VEPH1: variants seen among roughly 807,000 people sequenced by gnomAD.
VEPH1 encodes ventricular zone-expressed PH domain-containing protein homolog 1.
Under a neutral mutation model 85.2 loss-of-function variants are expected in VEPH1, and 80 were observed. The ratio of observed to expected loss-of-function variants is 0.94; its 90% confidence interval spans 0.78 to 1.13. The LOEUF is 1.13. VEPH1 is among the 50% of genes most tolerant of loss of function. The pLI is 0.00. For synonymous variants in VEPH1, 297 were observed against 348.0 expected (o/e 0.85, Z 1.63); for missense variants, 955 against 980.5 (o/e 0.97, Z 0.35).
intron 12 of VEPH1, among the ~76,000 whole-genome samples, chr3:157,266,228 G>A (rs1713622918): frequency 6.6e-6 from 1 of 151,096 alleles, no homozygotes; most frequent in African/African-American, 2.4e-5. Context: ...TTCCTAAAGC[G>A]GTAACACCAA....
intron 1 of VEPH1, among the ~76,000 whole-genome samples, chr3:157,501,585 A>G (rs1207065052): frequency 6.6e-6 from 1 of 152,190 alleles, no homozygotes; most frequent in Non-Finnish European, 1.5e-5. Context: ...TCTATTATGC[A>G]TCTGTAGATT....
intron 4 of VEPH1, among the ~76,000 whole-genome samples, chr3:157,432,981 A>G (rs764163634): frequency 1.3e-5 from 2 of 152,146 alleles, no homozygotes; most frequent in African/African-American, 2.4e-5. Flanking sequence ...TCCCATAGCT[A>G]TTTTTGCTAC....
At chr3:157,438,039 A>G (rs62278648) in intron 4 of VEPH1, 127,718 of 427,720 alleles carry the variant, frequency 0.3, 6,104 homozygotes, top group Admixed American at 0.37. Flanking sequence ...GCGCGCGCGC[A>G]CACACACACA....
chr3:157,310,105 G>T (rs1719948427), intron 11 of VEPH1, among the ~76,000 whole-genome samples: 1 of 152,170 alleles, frequency 6.6e-6, no homozygotes, highest in Non-Finnish European at 1.5e-5. Flanking sequence ...GAATTTGATT[G>T]AATTTTATAA....
At chr3:157,463,826 G>C (rs1253077037) in intron 3 of VEPH1, among the ~76,000 whole-genome samples, 1 of 152,160 alleles carries the variant, frequency 6.6e-6, no homozygotes, top group Non-Finnish European at 1.5e-5. Context: ...TTAGAAACTA[G>C]AGTGTCCACT....
In VEPH1 at chr3:157,503,339, CT is replaced by C; in HGVS notation, c.-221del. 1 of 152,244 alleles carries C rather than the reference CT, an allele frequency of 6.6e-6. No individual in the cohort carries two copies. Among genetic ancestry groups the C allele is most frequent in the Non-Finnish European group, 1.5e-5 (1 of 68,054 alleles). 9.4% of individuals were successfully genotyped at this position (152,244 alleles called of 1,614,324 possible). ...GGCAAAATCCTTGATCTTTAGAGCACTGCAGCTGGGACCCATGACCATGCTC... is the reference window on the plus strand; with the variant it reads ...GGCAAAATCCTTGATCTTTAGAGCACGCAGCTGGGACCCATGACCATGCTC... On this transcript the variant is annotated 5_prime_UTR_variant, in exon 1 of 14. The change creates a premature stop within an existing upstream ORF in the 5' untranslated region. Coordinates refer to ENST00000362010, the MANE Select transcript of VEPH1 (RefSeq NM_001167912.2).
At chr3:157,476,270 C>T (rs370151011) in intron 2 of VEPH1, among the ~76,000 whole-genome samples, 68 of 152,326 alleles carry the variant, frequency 4.5e-4, no homozygotes, top group African/African-American at 1.4e-3. Context: ...TTACATTAGA[C>T]CTTTTCCACC....
chr3:157,480,270 A>G (rs1327317389), intron 2 of VEPH1, among the ~76,000 whole-genome samples: 1 of 151,592 alleles, frequency 6.6e-6, no homozygotes. Flanking sequence ...GAAAGTATTT[A>G]TCTCTCACTT....
At chr3:157,286,393 C>T in intron 12 of VEPH1, 164 bp downstream of exon 12, 1 of 664,274 alleles carries the variant, frequency 1.5e-6, no homozygotes, top group South Asian at 1.8e-5. Flanking sequence ...CCTACGACCA[C>T]TTTGGTGAGA....
chr3:157,313,772 G>A lies in VEPH1; in HGVS notation c.1876-17C>T, dbSNP rs1559949346. 6.2e-7 allele frequency: 1 copy of A among 1,613,762 alleles called. No individual in the cohort carries two copies. The highest frequency in any genetic ancestry group is 1.1e-5 in the South Asian group (1 of 91,062). ...AAACAGGCTCTGAAAGGGCATTAAA[G>A]ACAGAAACAGAATATACTATGTCTT... On this transcript the variant is annotated splice_polypyrimidine_tract_variant and intron_variant, in intron 10 of 13. Coordinates refer to ENST00000362010, the MANE Select transcript of VEPH1 (RefSeq NM_001167912.2).
In VEPH1 at chr3:157,413,991, G is replaced by T. The variant is rs1577597313; in HGVS notation, c.796C>A (p.Pro266Thr). The T allele has an allele frequency of 1.2e-6, 2 of 1,613,498 alleles. No individual in the cohort carries two copies. The highest frequency in any genetic ancestry group is 2.7e-5 in the African/African-American group (2 of 74,966). ...NILIEIAVYE[P>T]VALNSFLPML... is the part of the protein sequence containing the mutation. ...GGAAGAAAACTGTTCAAAGCCACTG[G>T]CTCATAGACTGCTATCTCTATGAGG... is the stretch of plus-strand genomic sequence containing the variant. Residue 266 changes from proline to threonine, a missense_variant, in exon 6 of 14, where the codon CCA becomes ACA. By Grantham distance (38) the Pro-to-Thr change is conservative. Transcript: ENST00000362010.
At chr3:157,357,680 A>G (rs1035489517) in intron 9 of VEPH1, among the ~76,000 whole-genome samples, 1 of 151,938 alleles carries the variant, frequency 6.6e-6, no homozygotes, top group African/African-American at 2.4e-5. Flanking sequence ...TTTAGTAGAG[A>G]TGGGGTTTTG....
chr3:157,430,145 T>C (rs1289694710), intron 4 of VEPH1, among the ~76,000 whole-genome samples: 1 of 152,212 alleles, frequency 6.6e-6, no homozygotes, highest in Non-Finnish European at 1.5e-5. Flanking sequence ...AACTTAACCT[T>C]ATATGATAAT....
At chr3:157,317,285 T>G in intron 9 of VEPH1, 84 bp from the exon 10 acceptor site, 2 of 1,290,470 alleles carry the variant, frequency 1.5e-6, no homozygotes, top group Non-Finnish European at 2.0e-6. Flanking sequence ...ACAAATGCCT[T>G]TATAAAATAT....
intron 2 of VEPH1, among the ~76,000 whole-genome samples, chr3:157,489,782 C>A (rs1035018275): frequency 6.6e-6 from 1 of 151,442 alleles, no homozygotes; most frequent in Non-Finnish European, 1.5e-5. Flanking sequence ...ACATAGTAGA[C>A]AACTAATAAA....
At chr3:157,384,031 C>A (rs575213606) in intron 6 of VEPH1, among the ~76,000 whole-genome samples, 2 of 152,266 alleles carry the variant, frequency 1.3e-5, no homozygotes, top group Admixed American at 1.3e-4. Context: ...ATATGCCAGA[C>A]CCCCTTCTAG....
At chr3:157,331,620 ATAGCC>A (rs1722513472) in intron 9 of VEPH1, among the ~76,000 whole-genome samples, 1 of 152,256 alleles carries the variant, frequency 6.6e-6, no homozygotes, top group East Asian at 1.9e-4. Flanking sequence ...GGCCAGGGCA[ATAGCC>A]TAGCATAGCA....
intron 5 of VEPH1, among the ~76,000 whole-genome samples, chr3:157,423,586 T>C (rs903987600): frequency 6.6e-6 from 1 of 152,264 alleles, no homozygotes; most frequent in Non-Finnish European, 1.5e-5. Flanking sequence ...TATGGCCTGA[T>C]GTCACACCCT....
chr3:157,457,768 C>T lies in VEPH1; in HGVS notation c.529+2413G>A, dbSNP rs1183635915. Among the ~76,000 whole-genome samples the T allele has an allele frequency of 2.6e-5, 4 of 152,122 alleles. No individual in the cohort carries two copies. The East Asian group carries it at 7.7e-4, about 29-fold the overall frequency. On this transcript the variant is annotated intron_variant, in intron 4 of 13. Transcript: ENST00000362010. ...TTGATGTGCTGCTGGATTTGTTTTGCCAGTATTTTGTTGAGAGTTTTTGCA... is the reference window on the plus strand; with the variant it reads ...TTGATGTGCTGCTGGATTTGTTTTGTCAGTATTTTGTTGAGAGTTTTTGCA...
Sources: allele counts gnomAD v4.1 joint callset (sites outside exome capture counted in the v4.1 genomes callset), GRCh38; gene constraint gnomAD v4.1.1; transcripts MANE v1.5; gene names NCBI Gene and HGNC (gene_info 2026-07-23, HGNC 2026-07-21).